The following PLAAT4 variants were observed in gnomAD, a reference collection of about 807,000 sequenced individuals.
The protein encoded by PLAAT4 is phospholipase A and acyltransferase 4.
In PLAAT4, 12 loss-of-function variants were observed where a neutral mutation model predicts 14.1. That is an observed-to-expected ratio of 0.85 (90% CI 0.54 to 1.37). The LOEUF (loss-of-function observed/expected upper bound fraction) is 1.37, where lower values mean the gene tolerates loss of function less well. PLAAT4 is among the 40% of genes most tolerant of loss of function. The pLI is 0.00. For synonymous variants in PLAAT4, 77 were observed against 79.8 expected, an observed-to-expected ratio of 0.96 and a Z score of 0.19; for missense variants, 163 against 211.7, an observed-to-expected ratio of 0.77 and a Z score of 1.43.
rs1056654099 is a variant in PLAAT4, at chr11:63,539,471, T to C, written c.10-45T>C. 5 of 1,520,028 alleles carry C rather than the reference T, an allele frequency of 3.3e-6. No homozygotes were observed. The African/African-American group carries it at 4.1e-5, about 13-fold the overall frequency. 94.2% of individuals were successfully genotyped at this position (1,520,028 alleles called of 1,614,324 possible). The stretch of plus-strand genomic sequence containing the variant: ...GCTCCCCCAGCCAGGGTCTCTGCTG[T>C]TGCCTAGAAGGCCGGGTACTCCATC... On this transcript the variant is annotated intron_variant, in intron 1 of 3. Transcript: ENST00000255688.
At chr11:63,544,568 C>T in intron 2 of PLAAT4, 53 bp from the exon 3 acceptor site, 3 of 1,545,722 alleles carry the variant, frequency 1.9e-6, no homozygotes, top group Non-Finnish European at 2.6e-6. Context: ...GATTTCAAGC[C>T]CTTCTCTCCC....
At chr11:63,545,108 G>T (rs1339781855) in intron 3 of PLAAT4, 1 of 643,088 alleles carries the variant, frequency 1.6e-6, no homozygotes, top group Admixed American at 2.8e-5. Flanking sequence ...GCAGAGGAGG[G>T]GGTGGATGGA....
At chr11:63,545,149 C>A in intron 3 of PLAAT4, 1 of 601,908 alleles carries the variant, frequency 1.7e-6, no homozygotes, top group Non-Finnish European at 2.9e-6. Flanking sequence ...CCTCTAAAAC[C>A]TATCCTGAAA....
intron 2 of PLAAT4, among the ~76,000 whole-genome samples, chr11:63,541,128 G>A (rs1164772858): frequency 6.6e-6 from 1 of 151,726 alleles, no homozygotes; most frequent in African/African-American, 2.4e-5. Flanking sequence ...CAGGGACCTT[G>A]TAAGACAAAG....
At chr11:63,539,291 G>A (rs1163933279) in intron 1 of PLAAT4, among the ~76,000 whole-genome samples, 1 of 152,140 alleles carries the variant, frequency 6.6e-6, no homozygotes, top group Non-Finnish European at 1.5e-5. Flanking sequence ...GCGCCCAGAC[G>A]GTCCTTCTGT....
Position 63,546,354 on chromosome 11 carries a change from C to A in PLAAT4, c.*98C>A. 1 of 1,035,614 alleles carries A rather than the reference C, an allele frequency of 9.7e-7. No homozygotes were observed. The highest frequency in any genetic ancestry group is 1.3e-5 in the South Asian group (1 of 74,962). The allele number at this position is 1,035,614 out of a possible 1,614,324, so 64.2% of individuals were successfully genotyped here. Reference sequence around the variant, plus strand: ...GCAGCCTGACCCTCGTGCCCTGTCTCAGGCGTTCTCTAGATCCTTTCCTCT... The same window carrying A: ...GCAGCCTGACCCTCGTGCCCTGTCTAAGGCGTTCTCTAGATCCTTTCCTCT... On this transcript the variant is annotated 3_prime_UTR_variant, in exon 4 of 4. Coordinates refer to ENST00000255688, the MANE Select transcript of PLAAT4 (RefSeq NM_004585.5).
chr11:63,544,113 G>A (rs1211379887), intron 2 of PLAAT4, among the ~76,000 whole-genome samples: 4 of 152,146 alleles, frequency 2.6e-5, no homozygotes, highest in Non-Finnish European at 5.9e-5. Flanking sequence ...CGAAACACAA[G>A]TGTACAAAGC....
chr11:63,541,809 T>C (rs1159692762), intron 2 of PLAAT4, among the ~76,000 whole-genome samples: 1 of 152,188 alleles, frequency 6.6e-6, no homozygotes, highest in East Asian at 1.9e-4. Context: ...ATTAAATAAA[T>C]CTAAATGTTA....
Position 63,546,193 on chromosome 11 carries a change from A to T in PLAAT4, c.432A>T (p.Gly144=). Residue 144 remains glycine, a synonymous_variant, in exon 4 of 4, where the codon GGA becomes GGT. Coordinates refer to ENST00000255688, the MANE Select transcript of PLAAT4 (RefSeq NM_004585.5). ...KVEVGVATAL[G]ILVVAGCSFA... ...AAGTCGGTGTGGCCACGGCGCTTGG[A>T]ATCCTGGTTGTTGCTGGATGCTCTT... 2 of 1,614,088 alleles carry T rather than the reference A, an allele frequency of 1.2e-6. 1 individual carries two copies. Among genetic ancestry groups the T allele is most frequent in the South Asian group, 2.2e-5 (2 of 91,074 alleles).
intron 2 of PLAAT4, among the ~76,000 whole-genome samples, chr11:63,543,383 C>T (rs1378805350): frequency 3.9e-5 from 6 of 152,268 alleles, no homozygotes; most frequent in African/African-American, 1.4e-4. Context: ...CAGTCTTGAC[C>T]TCCCCGAGTT....
In PLAAT4 at chr11:63,546,255, G is replaced by C; in HGVS notation, c.494G>C (p.Ter165SerextTer8). The C allele has an allele frequency of 6.2e-7, 1 of 1,613,880 alleles. No homozygotes were observed. Among genetic ancestry groups the C allele is most frequent in the African/African-American group, 1.3e-5 (1 of 75,034 alleles). Residue 165 changes from the stop codon to serine, a stop_lost, in exon 4 of 4, where the codon TGA becomes TCA. Coordinates refer to ENST00000255688, the MANE Select transcript of PLAAT4 (RefSeq NM_004585.5). ...IRRYQKKATA* is the reference protein window; with the variant it reads ...IRRYQKKATAS ...AGATACCAAAAAAAAGCGACAGCCTGAAGCAGCCACAAAATCCTGTGTTAG... is the reference window on the plus strand; with the variant it reads ...AGATACCAAAAAAAAGCGACAGCCTCAAGCAGCCACAAAATCCTGTGTTAG...
At chr11:63,545,267 C>T (rs951456496) in intron 3 of PLAAT4, 4 of 474,922 alleles carry the variant, frequency 8.4e-6, no homozygotes, top group South Asian at 3.6e-5. Context: ...GCTCAGGGTC[C>T]GTGGACCTGT....
In PLAAT4 at chr11:63,546,235, C is replaced by T. The variant is rs774953457; in HGVS notation, c.474C>T (p.Tyr158=). ...GATGCTCTTTTGCGATTAGGAGATA[C>T]CAAAAAAAAGCGACAGCCTGAAGCA... ...VAGCSFAIRR[Y]QKKATA Residue 158 remains tyrosine (Y), a synonymous_variant, in exon 4 of 4, where the codon TAC becomes TAT. Coordinates refer to ENST00000255688, the MANE Select transcript of PLAAT4 (RefSeq NM_004585.5). 6.2e-7 allele frequency: 1 copy of T among 1,613,102 alleles called. No homozygotes were observed. Among genetic ancestry groups the T allele is most frequent in the Admixed American group, 1.7e-5 (1 of 59,982 alleles).
At chr11:63,544,945 C>G in intron 3 of PLAAT4, 56 bp downstream of exon 3, 1 of 1,609,612 alleles carries the variant, frequency 6.2e-7, no homozygotes, top group Non-Finnish European at 8.5e-7. Flanking sequence ...ACTCACGGGG[C>G]TGTGCAGCCA....
At position 63,544,531 on chromosome 11, in the gene PLAAT4, G is replaced by A. The variant is rs1409807347; in HGVS notation, c.119-90G>A. 10 of 1,415,498 alleles carry A rather than the reference G, an allele frequency of 7.1e-6. No homozygotes were observed. The Admixed American group carries it at 8.8e-5, about 12-fold the overall frequency. The allele number at this position is 1,415,498 out of a possible 1,614,324, so 87.7% of individuals were successfully genotyped here. On this transcript the variant is annotated intron_variant, in intron 2 of 3. Coordinates refer to ENST00000255688, the MANE Select transcript of PLAAT4 (RefSeq NM_004585.5). ...AATCCTTCAATCACATTTGTGAAAG[G>A]ATAAACACCAGTAGTTCCTTAGTGG...
At chr11:63,546,008 G>A in intron 3 of PLAAT4, 141 bp from the exon 4 acceptor site, 1 of 733,278 alleles carries the variant, frequency 1.4e-6, no homozygotes, top group Non-Finnish European at 2.4e-6. Flanking sequence ...GAGCCAGCCA[G>A]CTGGGAGAGA....
chr11:63,546,289 G>A lies in PLAAT4; in HGVS notation c.*33G>A. The A allele has an allele frequency of 1.9e-6, 3 of 1,601,526 alleles. No homozygotes were observed. The highest frequency in any genetic ancestry group is 1.7e-6 in the Non-Finnish European group (2 of 1,168,528). ...ACAAAATCCTGTGTTAGAAGCAGCT[G>A]TGGGGGTCCCAGTGGAGATGAGCCT... On this transcript the variant is annotated 3_prime_UTR_variant, in exon 4 of 4. Coordinates refer to ENST00000255688, the MANE Select transcript of PLAAT4 (RefSeq NM_004585.5).
intron 2 of PLAAT4, among the ~76,000 whole-genome samples, chr11:63,540,724 G>C (rs1268614791): frequency 6.6e-6 from 1 of 152,192 alleles, no homozygotes; most frequent in East Asian, 1.9e-4. Flanking sequence ...TACTCAGGAG[G>C]CTGAGGCAGG....
At chr11:63,544,972 G>T in intron 3 of PLAAT4, 83 bp downstream of exon 3, 1 of 1,587,662 alleles carries the variant, frequency 6.3e-7, no homozygotes. Flanking sequence ...CACTGTGAAT[G>T]ATGCAAATGC....
Sources: allele counts gnomAD v4.1 joint callset (sites outside exome capture counted in the v4.1 genomes callset), GRCh38; gene constraint gnomAD v4.1.1; transcripts MANE v1.5; gene names NCBI Gene and HGNC (gene_info 2026-07-23, HGNC 2026-07-21).